Variants in SELENBP1 observed in about 807,000 individuals in gnomAD.
SELENBP1 encodes the protein selenium binding protein 1, also known as methanethiol oxidase.
In SELENBP1, 71 loss-of-function variants were observed where a neutral mutation model predicts 61.0. That is an observed-to-expected ratio of 1.16 (90% confidence interval 0.96 to 1.42). The LOEUF is 1.42. Ranked by LOEUF, SELENBP1 falls within the 40% of genes most tolerant of loss-of-function variation. The pLI, the probability that SELENBP1 is intolerant of heterozygous loss-of-function variation, is 0.00. For missense variants in SELENBP1, 561 were observed against 605.0 expected, an observed-to-expected ratio of 0.93 and a Z score of 0.76; for synonymous variants, 270 against 238.9, an observed-to-expected ratio of 1.13 and a Z score of -1.20.
rs773560074 is a variant in SELENBP1, at chr1:151,364,549, C to A, written c.1413G>T (p.Trp471Cys). 2 of 1,613,902 alleles carry A rather than the reference C, an allele frequency of 1.2e-6. No individual in the cohort carries two copies. The highest frequency in any genetic ancestry group is 4.5e-5 in the East Asian group (2 of 44,888). ...TGGGTGATGAGGGTGGAGTTCAAATCCAGATGTCAGAGCTACAATCGCCCC... is the reference window on the plus strand; with the variant it reads ...TGGGTGATGAGGGTGGAGTTCAAATACAGATGTCAGAGCTACAATCGCCCC... ...YPGGDCSSDI[W>C]I Residue 471 changes from tryptophan to cysteine, a missense_variant, in exon 12 of 12, where the codon TGG becomes TGT. Coordinates refer to ENST00000368868, the MANE Select transcript of SELENBP1 (RefSeq NM_003944.4).
rs531212967 is a variant in SELENBP1 at position 151,365,705 on chromosome 1, G to C, written c.923-21C>G. On this transcript the variant is annotated intron_variant, in intron 8 of 11. Coordinates refer to ENST00000368868, the MANE Select transcript of SELENBP1 (RefSeq NM_003944.4). The stretch of plus-strand genomic sequence containing the variant: ...CAGGCCTGTGGGCAGGGGGCGAGTA[G>C]AGCCTTTAAGGACTCTTGTTTCCCA... 9.8e-5 allele frequency: 158 copies of C among 1,614,116 alleles called. 6 individuals carry two copies. The South Asian group carries it at 1.7e-3, about 17-fold the overall frequency.
chr1:151,365,915 G>A, intron 7 of SELENBP1, 69 bp from the exon 8 acceptor site: 1 of 1,555,864 alleles, frequency 6.4e-7, no homozygotes, highest in Non-Finnish European at 8.8e-7. Context: ...GGGACTAGGG[G>A]TTAGATCTGG....
chr1:151,371,492 C>T (rs1652137042), intron 1 of SELENBP1, among the ~76,000 whole-genome samples: 2 of 151,074 alleles, frequency 1.3e-5, no homozygotes, highest in African/African-American at 4.9e-5. Flanking sequence ...AGGGAGTGCT[C>T]GATGCCCAGC....
intron 7 of SELENBP1, 188 bp from the exon 8 acceptor site, chr1:151,366,034 T>C: frequency 1.4e-6 from 1 of 728,308 alleles, no homozygotes; most frequent in African/African-American, 1.8e-5. Context: ...CACCACTGCA[T>C]TCCCAGAACA....
At chr1:151,367,502 C>G (rs1223818150) in intron 5 of SELENBP1, among the ~76,000 whole-genome samples, 1 of 152,126 alleles carries the variant, frequency 6.6e-6, no homozygotes, top group Admixed American at 6.5e-5. Context: ...CTTCATCTCT[C>G]TCTCAGACCA....
rs995769932 is a variant in SELENBP1 at position 151,366,292 on chromosome 1, G to A, written c.826C>T (p.Arg276Cys). The A allele has an allele frequency of 1.4e-5, 23 of 1,613,618 alleles. No homozygotes were observed. The highest frequency in any genetic ancestry group is 5.0e-5 in the Admixed American group (3 of 60,002). The change falls in exon 7 of 12, where the codon CGC (arginine) becomes TGC (cysteine). Residue 276 changes from arginine to cysteine, a missense_variant. Physicochemically the swap from Arg to Cys is radical, Grantham distance 180. Transcript: ENST00000368868. ...TATGTCACCTCGTTCTTGTAGAAGC[G>A]CTGGATGGTGGAGCTGAGTGCGCAG... ...VGCALSSTIQ[R>C]FYKNEGGTWS...
At chr1:151,366,522 C>A (rs1480749798) in intron 6 of SELENBP1, 69 bp from the exon 7 acceptor site, 3 of 1,546,856 alleles carry the variant, frequency 1.9e-6, no homozygotes, top group Non-Finnish European at 8.8e-7. Context: ...AAAGACTGGG[C>A]CACCAATCAG....
At chr1:151,369,833 G>T in intron 1 of SELENBP1, 64 bp from the exon 2 acceptor site, 3 of 1,551,704 alleles carry the variant, frequency 1.9e-6, no homozygotes, top group Non-Finnish European at 2.6e-6. Flanking sequence ...CCCTCCGCAC[G>T]TTCTGCAGCA....
rs1651770320 is a variant in SELENBP1, at chr1:151,365,613, G to A, written c.994C>T (p.Leu332=). Residue 332 remains leucine, a synonymous_variant, in exon 9 of 12, where the codon CTG becomes TTG. Transcript: ENST00000368868. ...GGGTCAGAGATGTCATACTGCCTCA[G>A]GTCCCCATGCAGCCAGTTGCTGAAG... The part of the protein sequence containing the change: ...LYFSNWLHGD[L]RQYDISDPQR... The A allele has an allele frequency of 3.1e-6, 5 of 1,614,186 alleles. No individual in the cohort carries two copies. Among genetic ancestry groups the A allele is most frequent in the South Asian group, 1.1e-5 (1 of 91,080 alleles).
rs377145077 is a variant in SELENBP1, at chr1:151,365,778, G to A, written c.912C>T (p.Pro304=). 16 of 1,614,016 alleles carry A rather than the reference G, an allele frequency of 9.9e-6. No individual in the cohort carries two copies. Among genetic ancestry groups the A allele is most frequent in the South Asian group, 3.3e-5 (3 of 91,052 alleles). ...GCCCTAGGCACTCACCTGGCATTTC[G>A]GGCAGCAGCCAGCCCTTCACTTTCT... is the stretch of plus-strand genomic sequence containing the variant. ...PPKKVKGWLL[P]EMPGLITDIL... is the part of the protein sequence containing the mutation. The change falls in exon 8 of 12, where the codon CCC becomes CCT. Residue 304 remains proline (P), a synonymous_variant. Transcript: ENST00000368868.
chr1:151,372,660 T>TTGATCCC lies in SELENBP1; in HGVS notation c.-26_-20dup. ...TACCCATGCTGCCGACTGGTACACT[T>TTGATCCC]TGATCCCGGCGGGTTTGCTGTGCTG... is the stretch of plus-strand genomic sequence containing the variant. On this transcript the variant is annotated 5_prime_UTR_variant, in exon 1 of 12. Coordinates refer to ENST00000368868, the MANE Select transcript of SELENBP1 (RefSeq NM_003944.4). 6.2e-7 allele frequency: 1 copy of TTGATCCC among 1,614,100 alleles called. No homozygotes were observed. Among genetic ancestry groups the TTGATCCC allele is most frequent in the East Asian group, 2.2e-5 (1 of 44,876 alleles).
intron 2 of SELENBP1, 73 bp from the exon 3 acceptor site, chr1:151,369,627 G>A: frequency 3.9e-6 from 6 of 1,548,946 alleles, no homozygotes; most frequent in Non-Finnish European, 5.2e-6. Flanking sequence ...GGGTGTGCCA[G>A]AGGGTGGGGG....
chr1:151,368,405 C>T, intron 4 of SELENBP1, 86 bp from the exon 5 acceptor site: 1 of 1,533,824 alleles, frequency 6.5e-7, no homozygotes, highest in Non-Finnish European at 8.9e-7. Flanking sequence ...CTTCTATCTG[C>T]TGACTCTGTC....
chr1:151,370,035 C>T, intron 1 of SELENBP1: 1 of 1,426,920 alleles, frequency 7.0e-7, no homozygotes, highest in Non-Finnish European at 9.2e-7. Context: ...AGGGCTGATG[C>T]AGCCGGGGTC....
intron 5 of SELENBP1, 120 bp from the exon 6 acceptor site, chr1:151,367,024 C>T (rs995573529): frequency 3.4e-6 from 5 of 1,486,374 alleles, no homozygotes; most frequent in South Asian, 1.4e-5. Flanking sequence ...ACCTCCACTG[C>T]TGGATTTGCC....
intron 4 of SELENBP1, 47 bp from the exon 5 acceptor site, chr1:151,368,366 C>A (rs750029706): frequency 1.3e-6 from 2 of 1,599,382 alleles, no homozygotes; most frequent in South Asian, 1.1e-5. Flanking sequence ...GACTGGGAGT[C>A]CCTGCTCTTA....
chr1:151,369,377 G>A (rs374416256), intron 3 of SELENBP1, 65 bp downstream of exon 3: 20 of 1,494,324 alleles, frequency 1.3e-5, no homozygotes, highest in East Asian at 1.2e-4. Flanking sequence ...GGGAAGGGGG[G>A]GCCCAGGGCC....
chr1:151,366,272 C>A lies in SELENBP1; in HGVS notation c.843+3G>T. The A allele has an allele frequency of 6.2e-7, 1 of 1,611,804 alleles. No individual in the cohort carries two copies. The highest frequency in any genetic ancestry group is 1.1e-5 in the South Asian group (1 of 90,942). On this transcript the variant is annotated splice_donor_region_variant and intron_variant, in intron 7 of 11. Coordinates refer to ENST00000368868, the MANE Select transcript of SELENBP1 (RefSeq NM_003944.4). ...GAGGGGAGGGCCAGAGGGCGTATGTCACCTCGTTCTTGTAGAAGCGCTGGA... is the reference window on the plus strand; with the variant it reads ...GAGGGGAGGGCCAGAGGGCGTATGTAACCTCGTTCTTGTAGAAGCGCTGGA...
At chr1:151,369,301 G>A in intron 3 of SELENBP1, 112 bp from the exon 4 acceptor site, 3 of 1,452,102 alleles carry the variant, frequency 2.1e-6, no homozygotes, top group Non-Finnish European at 1.9e-6. Flanking sequence ...CTGGATTTCA[G>A]CACTCCCCTT....
Sources: gnomAD v4.1 joint callset for allele counts (sites outside exome capture counted in the v4.1 genomes callset) on GRCh38, gnomAD v4.1.1 for gene constraint, MANE v1.5 for transcripts, NCBI Gene and HGNC (gene_info 2026-07-23, HGNC 2026-07-21) for gene names.